The following DYSF variants were observed in gnomAD, a reference collection of about 807,000 sequenced individuals.
DYSF encodes the protein dystrophy-associated fer-1-like 1.
Under a neutral mutation model 274.9 loss-of-function variants are expected in DYSF, and 212 were observed. The ratio of observed to expected loss-of-function variants is 0.77; its 90% confidence interval spans 0.69 to 0.86. DYSF has a LOEUF of 0.86. DYSF is among the 40% of genes least tolerant of loss of function. The pLI, the probability that DYSF is intolerant of heterozygous loss-of-function variation, is 0.00. For missense variants in DYSF, 2,666 were observed against 2,783.2 expected (o/e 0.96, Z 0.95); for synonymous variants, 1,091 against 1,078.7 (o/e 1.01, Z -0.22).
intron 51 of DYSF, among the ~76,000 whole-genome samples, chr2:71,672,809 G>A (rs1221830873): frequency 6.6e-6 from 1 of 152,228 alleles, no homozygotes; most frequent in Non-Finnish European, 1.5e-5. Context: ...GGCACCTGCA[G>A]AAGGGCTGGG....
intron 18 of DYSF, among the ~76,000 whole-genome samples, 195 bp downstream of exon 18, chr2:71,551,351 C>T (rs2090929991): frequency 1.3e-5 from 2 of 152,230 alleles, no homozygotes; most frequent in African/African-American, 2.4e-5. Context: ...TGTTCCTCGC[C>T]TTGAAGCACC....
chr2:71,499,442 C>T (rs2084754002), intron 3 of DYSF, among the ~76,000 whole-genome samples: 3 of 152,284 alleles, frequency 2.0e-5, no homozygotes, highest in South Asian at 4.1e-4. Context: ...TAATAAGACC[C>T]AATGTTTTAA....
chr2:71,470,713 C>CTTCCTTCT (rs1385598650), intron 1 of DYSF, among the ~76,000 whole-genome samples: 2,431 of 127,140 alleles, frequency 0.019, 34 homozygotes, highest in South Asian at 0.04. Flanking sequence ...TTTCTCTTCT[C>CTTCCTTCT]TTCCTTCTTT....
chr2:71,549,537 T>C, intron 17 of DYSF: 1 of 762,082 alleles, frequency 1.3e-6, no homozygotes. Flanking sequence ...TGGACTTACC[T>C]TTGCTGTCAC....
intron 40 of DYSF, 80 bp downstream of exon 40, chr2:71,613,490 C>G: frequency 8.3e-7 from 1 of 1,203,038 alleles, no homozygotes; most frequent in East Asian, 2.5e-5. Context: ...TCTCCCCTAC[C>G]CTTCATTATC....
In DYSF at chr2:71,553,204, T is replaced by C; in HGVS notation, c.1984+16T>C. ...GTCTTTGACGGTGAGGCAGTGCTCC[T>C]GGCTGGGACCCCGATCACAGGATCA... On this transcript the variant is annotated intron_variant, in intron 20 of 55. Transcript: ENST00000410020. The C allele has an allele frequency of 1.9e-6, 3 of 1,613,884 alleles. No individual in the cohort carries two copies. The highest frequency in any genetic ancestry group is 3.3e-5 in the Admixed American group (2 of 60,030).
chr2:71,570,638 C>T lies in DYSF; in HGVS notation c.3125C>T (p.Pro1042Leu), dbSNP rs372880553. Residue 1042 changes from proline (P) to leucine (L), a missense_variant, in exon 29 of 56, where the codon CCG becomes CTG. Coordinates refer to ENST00000410020, the MANE Select transcript of DYSF (RefSeq NM_001130987.2). ...YSITIPPERKPKHWVPAEKMY... is the reference protein window; with the variant it reads ...YSITIPPERKLKHWVPAEKMY... ...ATCACCATCCCCCCGGAGCGGAAGC[C>T]GAAGCACTGGGTCCCTGCTGAGAAG... The T allele has an allele frequency of 8.1e-5, 131 of 1,613,990 alleles. No homozygotes were observed. In the Admixed American group the frequency reaches 9.2e-4, roughly 11 times the overall value.
chr2:71,492,878 T>TTTTG (rs960420851), intron 3 of DYSF, among the ~76,000 whole-genome samples: 5 of 151,998 alleles, frequency 3.3e-5, no homozygotes, highest in African/African-American at 7.3e-5. Context: ...TGCCATACTT[T>TTTTG]TTTGTTTGTT....
intron 32 of DYSF, among the ~76,000 whole-genome samples, chr2:71,596,387 C>T (rs757198355): frequency 1.8e-4 from 28 of 152,124 alleles, no homozygotes; most frequent in East Asian, 7.7e-4. Flanking sequence ...AAAAATAAAG[C>T]GTAGGGAAGC....
intron 21 of DYSF, among the ~76,000 whole-genome samples, chr2:71,554,266 C>T (rs1442857460): frequency 6.6e-5 from 10 of 152,320 alleles, no homozygotes; most frequent in East Asian, 1.9e-4. Context: ...CCTTTGGACT[C>T]GTAATGCACA....
At chr2:71,675,839 G>A (rs2095212441) in intron 52 of DYSF, among the ~76,000 whole-genome samples, 1 of 151,788 alleles carries the variant, frequency 6.6e-6, no homozygotes. Flanking sequence ...TTTTATATAT[G>A]TATTTATATA....
chr2:71,561,655 G>A (rs1174823282), intron 22 of DYSF, 97 bp from the exon 23 acceptor site: 1 of 1,434,556 alleles, frequency 7.0e-7, no homozygotes, highest in African/African-American at 1.4e-5. Flanking sequence ...CAGGCGGAGG[G>A]GGTGGGGCCT....
At chr2:71,623,008 C>T (rs2094137932) in intron 41 of DYSF, among the ~76,000 whole-genome samples, 1 of 152,154 alleles carries the variant, frequency 6.6e-6, no homozygotes, top group Non-Finnish European at 1.5e-5. Context: ...ATTTTATTTT[C>T]CATTGTCTGT....
At chr2:71,522,291 C>T (rs911031806) in intron 12 of DYSF, among the ~76,000 whole-genome samples, 1 of 152,064 alleles carries the variant, frequency 6.6e-6, no homozygotes, top group South Asian at 2.1e-4. Flanking sequence ...ACTCCATTGC[C>T]AGCTGCTCAT....
At chr2:71,547,639 C>T (rs1255505089) in intron 17 of DYSF, among the ~76,000 whole-genome samples, 3 of 151,834 alleles carry the variant, frequency 2.0e-5, no homozygotes, top group Non-Finnish European at 4.4e-5. Context: ...GACACTGTCT[C>T]AATAAATAAA....
intron 36 of DYSF, among the ~76,000 whole-genome samples, chr2:71,609,888 C>A (rs980307572): frequency 6.6e-6 from 1 of 152,288 alleles, no homozygotes; most frequent in East Asian, 1.9e-4. Context: ...GCAGAAGGAA[C>A]CCAACAGAAG....
chr2:71,495,398 A>G (rs947954192), intron 3 of DYSF, among the ~76,000 whole-genome samples: 1 of 152,220 alleles, frequency 6.6e-6, no homozygotes, highest in African/African-American at 2.4e-5. Flanking sequence ...TTGTTAAATC[A>G]CTGAATGATT....
At chr2:71,641,388 C>A (rs984537970) in intron 41 of DYSF, among the ~76,000 whole-genome samples, 2 of 152,028 alleles carry the variant, frequency 1.3e-5, no homozygotes, top group Non-Finnish European at 2.9e-5. Flanking sequence ...ACCGTGTTAG[C>A]CAGGATGGTC....
intron 45 of DYSF, among the ~76,000 whole-genome samples, chr2:71,663,956 T>A (rs1205005247): frequency 6.6e-6 from 1 of 152,214 alleles, no homozygotes; most frequent in East Asian, 1.9e-4. Context: ...CTCTTGCATC[T>A]GTTGTCTCCT....
Sources: allele counts gnomAD v4.1 joint callset (sites outside exome capture counted in the v4.1 genomes callset), GRCh38; gene constraint gnomAD v4.1.1; transcripts MANE v1.5; gene names NCBI Gene and HGNC (gene_info 2026-07-23, HGNC 2026-07-21).